Variants in INSR observed in about 807,000 individuals in gnomAD.
INSR encodes insulin receptor, also known as IR.
INSR carries 67 observed loss-of-function variants against 142.6 expected under a neutral mutation model. The observed-to-expected ratio is 0.47, with a 90% confidence interval of 0.39 to 0.58. The LOEUF is 0.58. INSR is among the 20% of genes least tolerant of loss of function. INSR has a pLI of 0.00. For synonymous variants in INSR, 756 were observed against 743.1 expected (o/e 1.02, Z -0.28); for missense variants, 1,248 against 1,833.2 (o/e 0.68, Z 5.83).
intron 2 of INSR, among the ~76,000 whole-genome samples, chr19:7,237,570 C>T (rs1329170615): frequency 6.6e-6 from 1 of 152,034 alleles, no homozygotes; most frequent in African/African-American, 2.4e-5. Flanking sequence ...AATCCCAGCA[C>T]TTTGGAAGGC....
intron 2 of INSR, among the ~76,000 whole-genome samples, chr19:7,193,128 T>C (rs1974645393): frequency 6.6e-6 from 1 of 151,282 alleles, no homozygotes; most frequent in African/African-American, 2.4e-5. Context: ...TCTTTTTTTT[T>C]TTTTCCCCAG....
rs542493693 is a variant in INSR at position 7,197,085 on chromosome 19, A to T, written c.653-12448T>A. On this transcript the variant is annotated intron_variant, in intron 2 of 21. Transcript: ENST00000302850. ...GGGCAGGGGTTGGGGGCAGCCAAGG[A>T]GGTGAACTTTTGACAGCTTCGTGGT... is the stretch of plus-strand genomic sequence containing the variant. 6.6e-5 allele frequency among the ~76,000 whole-genome samples: 10 copies of T among 152,324 alleles called. No homozygotes were observed. In the South Asian group the frequency reaches 2.1e-3, roughly 32 times the overall value.
rs148055651 is a variant in INSR at position 7,131,985 on chromosome 19, CAA to C, written c.2842+171_2842+172del. Among the ~76,000 whole-genome samples, 28,378 of 140,574 alleles carry C rather than the reference CAA, an allele frequency of 0.2. 2,782 individuals are homozygous for C. The highest frequency in any genetic ancestry group is 0.33 in the Middle Eastern group (91 of 276). The allele number at this position is 140,574 out of a possible 152,430, so 92.2% of individuals were successfully genotyped here. On this transcript the variant is annotated intron_variant, in intron 14 of 21. Transcript: ENST00000302850. ...TGCACTCCAAAGCAAGCCTCCATCT[CAA>C]AAAAAAAAAAAGTGCAGGATCAAAG... is the stretch of plus-strand genomic sequence containing the variant.
At position 7,125,018 on chromosome 19, in the gene INSR, A is replaced by G. The variant is rs2144813198; in HGVS notation, c.3258+265T>C. ...TCCAGAAAATGATGGAAGATTCCAG[A>G]AAGTGATGAAAGATTCTGGAAAGCA... On this transcript the variant is annotated intron_variant, in intron 17 of 21. Coordinates refer to ENST00000302850, the MANE Select transcript of INSR (RefSeq NM_000208.4). The surrounding 1 kb of genome is among the most constrained non-coding windows in gnomAD (Gnocchi z 4.9). Among the ~76,000 whole-genome samples the G allele has an allele frequency of 6.6e-6, 1 of 152,234 alleles. No homozygotes were observed. Among genetic ancestry groups the G allele is most frequent in the East Asian group, 1.9e-4 (1 of 5,168 alleles).
chr19:7,158,045 GTATTATTATTATTATTATTATTATTAT>G (rs72379188), intron 9 of INSR, among the ~76,000 whole-genome samples: 7 of 141,280 alleles, frequency 5.0e-5, no homozygotes, highest in Non-Finnish European at 1.1e-4. Context: ...GAAGCTCCTG[GTATTATTATTATTATTATTATTATTAT>G]TATTATTATT....
Position 7,166,460 on chromosome 19 carries a change from GC to G in INSR, c.1611-57del. 6.3e-7 allele frequency: 1 copy of G among 1,596,704 alleles called. No homozygotes were observed. ...CCCTTACAAGACCGTCACACTGAGT[GC>G]CGTGCAGATGAGGCCTGGGAAGTTA... On this transcript the variant is annotated intron_variant, in intron 7 of 21. Coordinates refer to ENST00000302850, the MANE Select transcript of INSR (RefSeq NM_000208.4). This position sits in a 1 kb window ranked among gnomAD's most constrained non-coding sequence, Gnocchi z 4.1.
intron 3 of INSR, among the ~76,000 whole-genome samples, chr19:7,183,380 T>C (rs1974326113): frequency 6.6e-6 from 1 of 151,918 alleles, no homozygotes. Context: ...AAATAGCTCA[T>C]GGAAGAAGCT....
intron 15 of INSR, among the ~76,000 whole-genome samples, chr19:7,126,889 GTTTTGT>G (rs958100516): frequency 5.3e-5 from 8 of 150,058 alleles, no homozygotes; most frequent in Admixed American, 1.3e-4. Context: ...TTTTTTTTTT[GTTTTGT>G]TTTTGTTTTT....
At chr19:7,277,941 A>C (rs928278501) in intron 1 of INSR, among the ~76,000 whole-genome samples, 32 of 151,844 alleles carry the variant, frequency 2.1e-4, no homozygotes, top group Non-Finnish European at 5.9e-5. Context: ...AAAATACAAA[A>C]AAATTAGCCG....
intron 2 of INSR, among the ~76,000 whole-genome samples, chr19:7,224,398 A>G (rs1226917095): frequency 1.3e-5 from 2 of 152,094 alleles, no homozygotes; most frequent in South Asian, 2.1e-4. Context: ...ATTTCCCCAG[A>G]GCACAAACAG....
chr19:7,260,341 G>T (rs1977020904), intron 2 of INSR, among the ~76,000 whole-genome samples: 1 of 152,120 alleles, frequency 6.6e-6, no homozygotes, highest in Admixed American at 6.6e-5. Flanking sequence ...CCTCTGGCCG[G>T]CAGTGAGCAG....
At chr19:7,165,734 A>C (rs550844972) in intron 8 of INSR, among the ~76,000 whole-genome samples, 1 of 151,732 alleles carries the variant, frequency 6.6e-6, no homozygotes, top group East Asian at 2.0e-4. Context: ...ATAGTGGTGC[A>C]TGCCTGTAGT....
rs1379163852 is a variant in INSR at position 7,294,143 on chromosome 19, C to A, written c.-252G>T. 5 of 187,850 alleles carry A rather than the reference C, an allele frequency of 2.7e-5. No individual in the cohort carries two copies. The highest frequency in any genetic ancestry group is 7.1e-5 in the African/African-American group (3 of 42,310). 11.6% of individuals were successfully genotyped at this position (187,850 alleles called of 1,614,324 possible). A position where few individuals can be genotyped will look rare whatever the true frequency, so the allele number is the denominator to read the frequency against. ...GGTGGCCCCGACCCCCCGGCCGCTG[C>A]GGCCCGGGCCCCGTCCCAGGATCTC... On this transcript the variant is annotated 5_prime_UTR_variant, in exon 1 of 22. Coordinates refer to ENST00000302850, the MANE Select transcript of INSR (RefSeq NM_000208.4).
rs71864058 is a variant in INSR, at chr19:7,197,918, A to AGTGTGTGTGTGTGT, written c.653-13295_653-13282dup. Among the ~76,000 whole-genome samples the AGTGTGTGTGTGTGT allele has an allele frequency of 3.2e-4, 32 of 100,294 alleles. 1 individual carries two copies. Among genetic ancestry groups the AGTGTGTGTGTGTGT allele is most frequent in the South Asian group, 1.4e-3 (4 of 2,940 alleles). 65.8% of individuals were successfully genotyped at this position (100,294 alleles called of 152,430 possible). ...CAGGATTGGTCGGTTCCAGAGTGAGAGTGTGTGTGTGTGTGTGTGTGTGTG... is the reference window on the plus strand; with the variant it reads ...CAGGATTGGTCGGTTCCAGAGTGAGAGTGTGTGTGTGTGTGTGTGTGTGTGTGTGTGTGTGTGTG... On this transcript the variant is annotated intron_variant, in intron 2 of 21. Coordinates refer to ENST00000302850, the MANE Select transcript of INSR (RefSeq NM_000208.4).
chr19:7,179,253 A>C (rs966161750), intron 3 of INSR, among the ~76,000 whole-genome samples: 2 of 152,184 alleles, frequency 1.3e-5, no homozygotes, highest in Non-Finnish European at 2.9e-5. Context: ...GTAAATTATG[A>C]AACCCAAACA....
chr19:7,256,680 T>G (rs1976903291), intron 2 of INSR, among the ~76,000 whole-genome samples: 1 of 151,740 alleles, frequency 6.6e-6, no homozygotes, highest in African/African-American at 2.4e-5. Context: ...AAGCCAAGAT[T>G]GCGCCACTGC....
chr19:7,127,635 A>G (rs1044109084), intron 15 of INSR, among the ~76,000 whole-genome samples: 1 of 152,196 alleles, frequency 6.6e-6, no homozygotes, highest in African/African-American at 2.4e-5. Flanking sequence ...GAATTTAGAC[A>G]TCCTGGGAAT....
intron 2 of INSR, among the ~76,000 whole-genome samples, chr19:7,207,932 GGAAGGA>G (rs1568486955): frequency 1.3e-3 from 166 of 132,004 alleles, no homozygotes; most frequent in African/African-American, 4.6e-3. Flanking sequence ...AAGGAAGGAA[GGAAGGA>G]AGGGAAGGAG....
intron 2 of INSR, among the ~76,000 whole-genome samples, chr19:7,262,558 T>C (rs7258382): frequency 0.23 from 34,766 of 152,164 alleles, 5,485 homozygotes; most frequent in African/African-American, 0.45. Flanking sequence ...TCAACAGCAG[T>C]GGCCCTGATT....
Sources: gnomAD v4.1 joint callset for allele counts (sites outside exome capture counted in the v4.1 genomes callset) on GRCh38, gnomAD v4.1.1 for gene constraint, Gnocchi (gnomAD v3.1) non-coding constraint, MANE v1.5 for transcripts, NCBI Gene and HGNC (gene_info 2026-07-23, HGNC 2026-07-21) for gene names.